NBEAL1: variants seen among roughly 807,000 people sequenced by gnomAD.
NBEAL1 encodes neurobeachin like 1.
Under a neutral mutation model 351.3 loss-of-function variants are expected in NBEAL1, and 273 were observed. The observed-to-expected ratio is 0.78, with a 90% CI of 0.70 to 0.86. The LOEUF (loss-of-function observed/expected upper bound fraction) is 0.86. Ranked by LOEUF, NBEAL1 falls within the 40% of genes least tolerant of loss-of-function variation. The probability of loss-of-function intolerance (pLI) is 0.00; values close to 1 mark genes in which losing one functional copy is unlikely to be tolerated. For synonymous variants in NBEAL1, 1,050 were observed against 1,086.4 expected (o/e 0.97, Z 0.66); for missense variants, 2,961 against 3,201.3 (o/e 0.92, Z 1.81).
intron 33 of NBEAL1, among the ~76,000 whole-genome samples, chr2:203,148,242 CAT>C (rs1371836372): frequency 6.6e-6 from 1 of 151,992 alleles, no homozygotes; most frequent in African/African-American, 2.4e-5. Context: ...TCATTTTACA[CAT>C]GAGAGGACAC....
intron 10 of NBEAL1, among the ~76,000 whole-genome samples, chr2:203,097,290 G>A (rs2062205189): frequency 6.6e-6 from 1 of 152,114 alleles, no homozygotes; most frequent in African/African-American, 2.4e-5. Context: ...AAGAATTTAG[G>A]AATATTAACT....
intron 2 of NBEAL1, among the ~76,000 whole-genome samples, chr2:203,028,118 G>A (rs1432674068): frequency 6.6e-6 from 1 of 151,896 alleles, no homozygotes; most frequent in Non-Finnish European, 1.5e-5. Flanking sequence ...TCTTGACCTA[G>A]TGATCTGCCC....
At chr2:203,099,880 A>G (rs553551822) in intron 12 of NBEAL1, among the ~76,000 whole-genome samples, 168 bp downstream of exon 12, 1 of 152,142 alleles carries the variant, frequency 6.6e-6, no homozygotes, top group South Asian at 2.1e-4. Context: ...TAGTTTTTCA[A>G]TCTTCCCGCT....
intron 8 of NBEAL1, among the ~76,000 whole-genome samples, chr2:203,079,459 G>C (rs1041045714): frequency 2.2e-4 from 34 of 152,064 alleles, no homozygotes; most frequent in Admixed American, 1.3e-3. Context: ...CTAAATTTTA[G>C]TTAGAAATTA....
chr2:203,108,294 G>A, intron 14 of NBEAL1, 106 bp downstream of exon 14: 1 of 849,404 alleles, frequency 1.2e-6, no homozygotes, highest in Non-Finnish European at 1.8e-6. Context: ...TAGATATACA[G>A]CTTATCTAAA....
At chr2:203,129,191 T>C (rs2063016385) in intron 24 of NBEAL1, among the ~76,000 whole-genome samples, 1 of 152,176 alleles carries the variant, frequency 6.6e-6, no homozygotes, top group South Asian at 2.1e-4. Context: ...GCATGTACGC[T>C]TTTGGAAATT....
At chr2:203,215,967 C>T (rs2065888267) in intron 55 of NBEAL1, among the ~76,000 whole-genome samples, 1 of 145,654 alleles carries the variant, frequency 6.9e-6, no homozygotes, top group South Asian at 2.2e-4. Context: ...GCTGAGGTTG[C>T]ACCACTGCAC....
intron 4 of NBEAL1, among the ~76,000 whole-genome samples, chr2:203,051,692 T>C (rs1287337243): frequency 1.3e-5 from 2 of 152,296 alleles, no homozygotes; most frequent in South Asian, 2.1e-4. Context: ...TTCAATTCAT[T>C]ATGTTTAGAT....
intron 51 of NBEAL1, among the ~76,000 whole-genome samples, chr2:203,206,903 T>C (rs892469284): frequency 6.7e-6 from 1 of 149,046 alleles, no homozygotes; most frequent in Non-Finnish European, 1.5e-5. Flanking sequence ...TGAGGAGCCC[T>C]TCTGCCTGGC....
At position 203,199,356 on chromosome 2, in the gene NBEAL1, T is replaced by G. The variant is rs1272524709; in HGVS notation, c.7147T>G (p.Tyr2383Asp). 6.3e-7 allele frequency: 1 copy of G among 1,584,258 alleles called. No homozygotes were observed. The highest frequency in any genetic ancestry group is 1.1e-5 in the South Asian group (1 of 88,974). The change falls in exon 49 of 56, where the codon TAT becomes GAT. Residue 2383 changes from tyrosine (Y) to aspartate (D), a missense_variant. By Grantham distance (160) the Tyr-to-Asp change is radical. Coordinates refer to ENST00000683969, the MANE Select transcript of NBEAL1 (RefSeq NM_001378026.1). ...PELLITISMNYVIGTHGWLPY... is the reference protein window; with the variant it reads ...PELLITISMNDVIGTHGWLPY... Reference sequence around the variant, plus strand: ...TTTCCAGATAACAATAAGCATGAATTATGTTATTGGAACCCATGGATGGTT... The same window carrying G: ...TTTCCAGATAACAATAAGCATGAATGATGTTATTGGAACCCATGGATGGTT...
At chr2:203,208,361 A>G (rs1414732360) in intron 51 of NBEAL1, among the ~76,000 whole-genome samples, 1 of 152,216 alleles carries the variant, frequency 6.6e-6, no homozygotes, top group Non-Finnish European at 1.5e-5. Flanking sequence ...TCTGTAGATT[A>G]AAAGGGGAAA....
intron 51 of NBEAL1, among the ~76,000 whole-genome samples, chr2:203,207,432 C>T (rs1398302435): frequency 3.9e-5 from 6 of 152,062 alleles, no homozygotes; most frequent in Admixed American, 6.6e-5. Context: ...TCATTGAGAA[C>T]GGGCCATGAT....
rs563591639 is a variant in NBEAL1, at chr2:203,220,768, G to A, written c.*3414G>A. ...AAGAGAGAAAGAAAAATAGATCAGGGCATAAAAATCAGGAAAGTATATAAA... is the reference window on the plus strand; with the variant it reads ...AAGAGAGAAAGAAAAATAGATCAGGACATAAAAATCAGGAAAGTATATAAA... On this transcript the variant is annotated 3_prime_UTR_variant, in exon 56 of 56. Transcript: ENST00000683969. Among the ~76,000 whole-genome samples, 6 of 152,224 alleles carry A rather than the reference G, an allele frequency of 3.9e-5. No homozygotes were observed. Among genetic ancestry groups the A allele is most frequent in the African/African-American group, 1.2e-4 (5 of 41,546 alleles).
intron 1 of NBEAL1, among the ~76,000 whole-genome samples, chr2:203,015,476 C>T (rs1393549105): frequency 6.6e-6 from 1 of 151,372 alleles, no homozygotes; most frequent in Non-Finnish European, 1.5e-5. Context: ...CCCCACCCCA[C>T]CCCAGACGGA....
intron 31 of NBEAL1, among the ~76,000 whole-genome samples, chr2:203,139,557 C>CATTTTTTT (rs2063311788): frequency 1.5e-5 from 1 of 67,648 alleles, no homozygotes; most frequent in Non-Finnish European, 2.7e-5. Flanking sequence ...CCACCCCCAC[C>CATTTTTTT]TTTTTTTTTT....
chr2:203,056,952 G>T lies in NBEAL1; in HGVS notation c.388-374G>T, dbSNP rs558998331. Among the ~76,000 whole-genome samples, 9 of 152,210 alleles carry T rather than the reference G, an allele frequency of 5.9e-5. No individual in the cohort carries two copies. In the South Asian group the frequency reaches 1.9e-3, roughly 32 times the overall value. ...AGAAGAGACTTAAACTTATTGTTGG[G>T]TAATGCATATTTCAGAAATCTTGTA... On this transcript the variant is annotated intron_variant, in intron 5 of 55. Coordinates refer to ENST00000683969, the MANE Select transcript of NBEAL1 (RefSeq NM_001378026.1).
rs1396751632 is a variant in NBEAL1 at position 203,219,235 on chromosome 2, T to G, written c.*1881T>G. Reference sequence around the variant, plus strand: ...TAAAATACTGATTTTTTTAGAAACTTTTTCTAAATCAAAACCTACTAAGTT... The same window carrying G: ...TAAAATACTGATTTTTTTAGAAACTGTTTCTAAATCAAAACCTACTAAGTT... On this transcript the variant is annotated 3_prime_UTR_variant, in exon 56 of 56. Transcript: ENST00000683969. 6.6e-6 allele frequency: 1 copy of G among 152,062 alleles called. No homozygotes were observed. Among genetic ancestry groups the G allele is most frequent in the Non-Finnish European group, 1.5e-5 (1 of 68,006 alleles). 9.4% of individuals were successfully genotyped at this position (152,062 alleles called of 1,614,324 possible). A position where few individuals can be genotyped will look rare whatever the true frequency, so the allele number is the denominator to read the frequency against.
intron 55 of NBEAL1, among the ~76,000 whole-genome samples, chr2:203,216,383 G>T (rs2065896257): frequency 6.6e-6 from 1 of 151,506 alleles, no homozygotes; most frequent in Admixed American, 6.6e-5. Context: ...CTTATGATTG[G>T]CATTAACAGT....
intron 10 of NBEAL1, among the ~76,000 whole-genome samples, chr2:203,092,919 A>C (rs986363356): frequency 6.6e-6 from 1 of 152,182 alleles, no homozygotes; most frequent in African/African-American, 2.4e-5. Context: ...TGATAAAGCC[A>C]ACATCTCACA....
Sources: gnomAD v4.1 joint callset for allele counts (sites outside exome capture counted in the v4.1 genomes callset) on GRCh38, gnomAD v4.1.1 for gene constraint, MANE v1.5 for transcripts, NCBI Gene and HGNC (gene_info 2026-07-23, HGNC 2026-07-21) for gene names.